Variants in EIF2AK2 observed in about 807,000 individuals in gnomAD.
EIF2AK2 encodes eukaryotic translation initiation factor 2 alpha kinase 2.
EIF2AK2 carries 40 observed loss-of-function variants against 70.5 expected under a neutral mutation model. The ratio of observed to expected loss-of-function variants is 0.57; its 90% CI spans 0.44 to 0.74. The LOEUF (loss-of-function observed/expected upper bound fraction) is 0.74, where lower values mean the gene tolerates loss of function less well. EIF2AK2 is among the 30% of genes least tolerant of loss of function. The pLI is 0.00. For synonymous variants in EIF2AK2, 198 were observed against 220.9 expected (o/e 0.90, Z 0.92); for missense variants, 555 against 644.3 (o/e 0.86, Z 1.50).
chr2:37,149,046 G>A, intron 1 of EIF2AK2, 23 bp from the exon 2 acceptor site: 1 of 987,940 alleles, frequency 1.0e-6, no homozygotes, highest in South Asian at 1.3e-5. Flanking sequence ...AAAAAAGAAG[G>A]CTTAAAAAAA....
chr2:37,138,615 T>C (rs1380095546), intron 6 of EIF2AK2, 30 bp from the exon 7 acceptor site: 13 of 1,587,384 alleles, frequency 8.2e-6, no homozygotes, highest in Non-Finnish European at 1.1e-5. Flanking sequence ...TTAGTAGGCT[T>C]AAATACAACT....
At chr2:37,119,847 C>T (rs1255262078) in intron 13 of EIF2AK2, 112 bp downstream of exon 13, 44 of 564,308 alleles carry the variant, frequency 7.8e-5, no homozygotes, top group Non-Finnish European at 1.1e-4. Flanking sequence ...CTGCCTCAGC[C>T]TCCCAAAGTG....
intron 14 of EIF2AK2, among the ~76,000 whole-genome samples, chr2:37,111,911 A>ATC (rs1558407954): frequency 6.0e-5 from 6 of 99,380 alleles, no homozygotes; most frequent in African/African-American, 2.2e-4. Context: ...ATATATATAT[A>ATC]TCATAATAAA....
At chr2:37,138,923 G>C (rs1675223160) in intron 6 of EIF2AK2, among the ~76,000 whole-genome samples, 1 of 151,434 alleles carries the variant, frequency 6.6e-6, no homozygotes, top group African/African-American at 2.4e-5. Flanking sequence ...AGCCTCCTGA[G>C]TAGCTAGGAC....
intron 10 of EIF2AK2, among the ~76,000 whole-genome samples, chr2:37,129,322 G>A (rs886590506): frequency 1.3e-5 from 2 of 152,122 alleles, no homozygotes; most frequent in African/African-American, 4.8e-5. Flanking sequence ...ACTGGGAAAA[G>A]GCTTGTCCTA....
intron 1 of EIF2AK2, among the ~76,000 whole-genome samples, chr2:37,154,634 C>A (rs944145544): frequency 6.6e-6 from 1 of 152,108 alleles, no homozygotes; most frequent in Admixed American, 6.5e-5. Flanking sequence ...CATCTCGGCT[C>A]GCTGCAACCT....
intron 2 of EIF2AK2, 88 bp downstream of exon 2, chr2:37,148,768 AC>A (rs1675643817): frequency 2.4e-6 from 2 of 822,622 alleles, no homozygotes; most frequent in East Asian, 4.9e-5. Context: ...CATTTAACAT[AC>A]ACAAAAAACT....
intron 12 of EIF2AK2, among the ~76,000 whole-genome samples, chr2:37,120,939 G>A (rs1674522174): frequency 7.0e-6 from 1 of 143,756 alleles, no homozygotes; most frequent in African/African-American, 2.5e-5. Context: ...GCTCCCGCAT[G>A]AGCGATAGAG....
rs1009131014 is a variant in EIF2AK2 at position 37,101,381 on chromosome 2, A to C, written c.*5892T>G. 3 of 152,224 alleles carry C rather than the reference A, an allele frequency of 2.0e-5. No individual in the cohort carries two copies. The highest frequency in any genetic ancestry group is 7.2e-5 in the African/African-American group (3 of 41,470). 9.4% of individuals were successfully genotyped at this position (152,224 alleles called of 1,614,324 possible). On this transcript the variant is annotated 3_prime_UTR_variant, in exon 17 of 17. Coordinates refer to ENST00000233057, the MANE Select transcript of EIF2AK2 (RefSeq NM_001135651.3). ...CACTATTTTACAACCCCTGAAATGAAATAATGGATCCAGGCAACAATTATC... is the reference window on the plus strand; with the variant it reads ...CACTATTTTACAACCCCTGAAATGACATAATGGATCCAGGCAACAATTATC...
rs988388633 is a variant in EIF2AK2 at position 37,105,288 on chromosome 2, G to C, written c.*1985C>G. On this transcript the variant is annotated 3_prime_UTR_variant, in exon 17 of 17. Transcript: ENST00000233057. ...CCCAGTGTTGGAGGTGGGGCCTGATGGGAGGTGTTTGGGTCATGGGGGAAG... is the reference window on the plus strand; with the variant it reads ...CCCAGTGTTGGAGGTGGGGCCTGATCGGAGGTGTTTGGGTCATGGGGGAAG... The C allele has an allele frequency of 2.0e-5, 3 of 152,162 alleles. No homozygotes were observed. The highest frequency in any genetic ancestry group is 2.9e-5 in the Non-Finnish European group (2 of 68,038). The allele number at this position is 152,162 out of a possible 1,614,324, so 9.4% of individuals were successfully genotyped here. A position where few individuals can be genotyped will look rare whatever the true frequency, so the allele number is the denominator to read the frequency against.
In EIF2AK2 at chr2:37,145,289, C is replaced by T. The variant is rs187687815; in HGVS notation, c.240+1564G>A. 9.4e-4 allele frequency among the ~76,000 whole-genome samples: 142 copies of T among 151,636 alleles called. 1 individual carries two copies. The Middle Eastern group carries it at 0.017, about 18-fold the overall frequency. On this transcript the variant is annotated intron_variant, in intron 4 of 16. Transcript: ENST00000233057. The stretch of plus-strand genomic sequence containing the variant: ...TCCCAAGTAGCCGGAATTATAGGTG[C>T]CCACCACCATGCCCGGCTAATTTTT...
rs1488755946 is a variant in EIF2AK2, at chr2:37,135,494, C to G, written c.775G>C (p.Val259Leu). ...LPDMKETKYT[V>L]DKRFGMDFKE... ...CACTTAAAATCTTACCTCTTGTCCA[C>G]AGTATACTTTGTTTCTTTCATGTCA... The change falls in exon 10 of 17, where the codon GTG becomes CTG. Residue 259 changes from valine to leucine, a missense_variant. This residue lies in a region of EIF2AK2 where 299 missense variants were observed against 375.4 expected (regional missense o/e 0.80). Coordinates refer to ENST00000233057, the MANE Select transcript of EIF2AK2 (RefSeq NM_001135651.3). 1 of 1,608,584 alleles carries G rather than the reference C, an allele frequency of 6.2e-7. No individual in the cohort carries two copies. The highest frequency in any genetic ancestry group is 2.2e-5 in the East Asian group (1 of 44,614).
intron 14 of EIF2AK2, among the ~76,000 whole-genome samples, chr2:37,113,052 G>T (rs4503966): frequency 0.94 from 142,909 of 152,320 alleles, 67,712 homozygotes; most frequent in East Asian, 1. Context: ...AATCAAGTTA[G>T]ATTCCTTTCT....
At chr2:37,112,238 G>C (rs1674187863) in intron 14 of EIF2AK2, among the ~76,000 whole-genome samples, 1 of 152,084 alleles carries the variant, frequency 6.6e-6, no homozygotes, top group South Asian at 2.1e-4. Flanking sequence ...GAGACACTCA[G>C]AGCAAAACTG....
chr2:37,114,827 T>C lies in EIF2AK2; in HGVS notation c.1281A>G (p.Gln427=), dbSNP rs200748103. ...PSNIFLVDTK[Q]VKIGDFGLVT... ...CAAGTCCAAAGTCTCCAATCTTTACTTGTTTTGTATCTACTAAGAATATAT... is the reference window on the plus strand; with the variant it reads ...CAAGTCCAAAGTCTCCAATCTTTACCTGTTTTGTATCTACTAAGAATATAT... Residue 427 remains glutamine, a synonymous_variant, in exon 14 of 17, where the codon CAA becomes CAG. Coordinates refer to ENST00000233057, the MANE Select transcript of EIF2AK2 (RefSeq NM_001135651.3). 43 of 1,595,256 alleles carry C rather than the reference T, an allele frequency of 2.7e-5. No individual in the cohort carries two copies. Among genetic ancestry groups the C allele is most frequent in the African/African-American group, 4.1e-5 (3 of 73,890 alleles).
At chr2:37,129,813 G>A (rs1284805067) in intron 10 of EIF2AK2, among the ~76,000 whole-genome samples, 2 of 152,008 alleles carry the variant, frequency 1.3e-5, no homozygotes, top group African/African-American at 2.4e-5. Flanking sequence ...AAACGGGGAC[G>A]AATCATTCAT....
intron 1 of EIF2AK2, among the ~76,000 whole-genome samples, chr2:37,155,939 C>CAAAAA (rs756767460): frequency 2.7e-5 from 3 of 110,824 alleles, no homozygotes; most frequent in Admixed American, 9.6e-5. Flanking sequence ...GAATCTGTCT[C>CAAAAA]AAAAAAAAAA....
intron 13 of EIF2AK2, among the ~76,000 whole-genome samples, chr2:37,117,058 A>C (rs1674367630): frequency 6.6e-6 from 1 of 152,008 alleles, no homozygotes; most frequent in African/African-American, 2.4e-5. Context: ...CTAAAAATAC[A>C]AAAAATTATC....
chr2:37,152,088 CA>C (rs974987443), intron 1 of EIF2AK2, among the ~76,000 whole-genome samples: 2 of 152,308 alleles, frequency 1.3e-5, no homozygotes, highest in African/African-American at 4.8e-5. Context: ...ACCACAACAA[CA>C]AAAACATGGA....
Sources: gnomAD v4.1 joint callset for allele counts (sites outside exome capture counted in the v4.1 genomes callset) on GRCh38, gnomAD v4.1.1 for gene constraint, gnomAD v4.1.1 regional missense constraint, MANE v1.5 for transcripts, NCBI Gene and HGNC (gene_info 2026-07-23, HGNC 2026-07-21) for gene names.